Variants in CLTRN observed in about 807,000 individuals in gnomAD.
CLTRN encodes the protein collectrin.
Under a neutral mutation model 14.5 loss-of-function variants are expected in CLTRN, and 12 were observed. The observed-to-expected ratio is 0.83, with a 90% CI of 0.53 to 1.34. CLTRN has a LOEUF of 1.34. Among genes scored for constraint, CLTRN ranks in the 40% most tolerant of loss-of-function variants. CLTRN has a pLI of 0.00. For synonymous variants in CLTRN, 58 were observed against 56.5 expected, an observed-to-expected ratio of 1.03 and a Z score of -0.12; for missense variants, 154 against 165.1, an observed-to-expected ratio of 0.93 and a Z score of 0.37.
At chrX:15,669,077 T>A, upstream of CLTRN, among the ~76,000 whole-genome samples, 1 of 112,272 alleles carries the variant, frequency 8.9e-6, no homozygotes, top group Non-Finnish European at 1.9e-5. Flanking sequence ...GATTCATAAA[T>A]CTTATTTATA....
intron 3 of CLTRN, among the ~76,000 whole-genome samples, chrX:15,645,247 T>C (rs3810722): frequency 0.013 from 1,482 of 111,806 alleles, 29 homozygotes; most frequent in South Asian, 0.056. Flanking sequence ...TTATAGGGAA[T>C]AACAGGGAAT....
chrX:15,655,649 A>C (rs2147210031), intron 3 of CLTRN, among the ~76,000 whole-genome samples: 1 of 112,054 alleles, frequency 8.9e-6, no homozygotes, highest in East Asian at 2.8e-4. Context: ...TACTCAAGCC[A>C]GCCTTCCACC....
intron 1 of CLTRN, among the ~76,000 whole-genome samples, chrX:15,670,475 T>C (rs1326557259): frequency 9.0e-6 from 1 of 111,608 alleles, no homozygotes; most frequent in Non-Finnish European, 1.9e-5. Context: ...ATATACTATA[T>C]ATAATAAACA....
intron 5 of CLTRN, among the ~76,000 whole-genome samples, chrX:15,637,352 C>T (rs1223430130): frequency 8.9e-6 from 1 of 111,857 alleles, no homozygotes; most frequent in Non-Finnish European, 1.9e-5. Context: ...CCTCTCCTCA[C>T]ATTTGACGCA....
chrX:15,662,754 C>T (rs969263796), intron 2 of CLTRN, among the ~76,000 whole-genome samples: 1 of 111,588 alleles, frequency 9.0e-6, no homozygotes, highest in African/African-American at 3.3e-5. Context: ...CACCATTGAC[C>T]TCCATATTGT....
At chrX:15,645,870 A>G (rs962028158) in intron 3 of CLTRN, among the ~76,000 whole-genome samples, 4 of 113,017 alleles carry the variant, frequency 3.5e-5, no homozygotes, top group African/African-American at 1.3e-4. Context: ...CAAAATTGCA[A>G]AAAGCAACAT....
At chrX:15,655,517 G>A in intron 3 of CLTRN, among the ~76,000 whole-genome samples, 1 of 112,273 alleles carries the variant, frequency 8.9e-6, no homozygotes, top group East Asian at 2.8e-4. Flanking sequence ...GTCTCACTTA[G>A]GGACATGGGC....
chrX:15,670,083 C>A (rs1045932971), intron 1 of CLTRN, among the ~76,000 whole-genome samples: 2 of 110,103 alleles, frequency 1.8e-5, no homozygotes, highest in African/African-American at 6.6e-5. Flanking sequence ...CAAGACAGGC[C>A]TGGACAACAT....
intron 2 of CLTRN, among the ~76,000 whole-genome samples, chrX:15,663,896 A>C (rs1352874683): frequency 8.9e-6 from 1 of 112,483 alleles, no homozygotes; most frequent in Non-Finnish European, 1.9e-5. Flanking sequence ...AAGAAACTTC[A>C]GGTTCAAATT....
chrX:15,644,204 G>A (rs1020663444), intron 4 of CLTRN, among the ~76,000 whole-genome samples: 2 of 112,034 alleles, frequency 1.8e-5, no homozygotes, highest in African/African-American at 6.5e-5. Flanking sequence ...TTGTCCTGCT[G>A]AGAGCACCTT....
chrX:15,637,335 A>T (rs1928841586), intron 5 of CLTRN, among the ~76,000 whole-genome samples: 1 of 111,543 alleles, frequency 9.0e-6, no homozygotes, highest in Non-Finnish European at 1.9e-5. Flanking sequence ...CCCACTTCAA[A>T]CTGCACCCTC....
At chrX:15,642,038 C>G (rs1928956327) in intron 4 of CLTRN, among the ~76,000 whole-genome samples, 1 of 112,262 alleles carries the variant, frequency 8.9e-6, no homozygotes, top group African/African-American at 3.2e-5. Flanking sequence ...TTGTCATAAC[C>G]TAATATTGAA....
intron 3 of CLTRN, among the ~76,000 whole-genome samples, chrX:15,656,594 G>A (rs746000064): frequency 5.4e-5 from 6 of 110,666 alleles, no homozygotes; most frequent in African/African-American, 1.3e-4. Flanking sequence ...TCTGGAAGGC[G>A]GCTACTGGTA....
intron 5 of CLTRN, among the ~76,000 whole-genome samples, chrX:15,638,143 C>T: frequency 8.9e-6 from 1 of 111,975 alleles, no homozygotes; most frequent in East Asian, 2.8e-4. Flanking sequence ...TAATACAAAA[C>T]AAAAGTATTA....
upstream of CLTRN, among the ~76,000 whole-genome samples, chrX:15,667,211 G>A (rs187377274): frequency 5.1e-3 from 542 of 107,210 alleles, 3 homozygotes; most frequent in Non-Finnish European, 8.7e-3. Flanking sequence ...CACTCCAGCC[G>A]GGGCAACAGA....
chrX:15,633,020 T>C (rs1363241378), intron 5 of CLTRN, among the ~76,000 whole-genome samples: 1 of 110,999 alleles, frequency 9.0e-6, no homozygotes, highest in Non-Finnish European at 1.9e-5. Flanking sequence ...ATCCTCAGAA[T>C]TGCTCTGGAT....
intron 5 of CLTRN, among the ~76,000 whole-genome samples, chrX:15,638,321 C>G (rs1346842389): frequency 8.9e-6 from 1 of 112,006 alleles, no homozygotes; most frequent in Non-Finnish European, 1.9e-5. Flanking sequence ...AATTTGAGGA[C>G]TAGACATAAA....
rs936147279 is a variant in CLTRN, at chrX:15,642,516, T to C, written c.317+2400A>G. 6.2e-5 allele frequency among the ~76,000 whole-genome samples: 7 copies of C among 112,568 alleles called. No individual in the cohort carries two copies. In the East Asian group the frequency reaches 1.4e-3, roughly 22 times the overall value. On this transcript the variant is annotated intron_variant, in intron 4 of 5. Transcript: ENST00000380342. ...TCCCCACTTCCTAAATAGTTTATCCTGCTAGGACCTTTGAAATAGACATTT... is the reference window on the plus strand; with the variant it reads ...TCCCCACTTCCTAAATAGTTTATCCCGCTAGGACCTTTGAAATAGACATTT...
At chrX:15,653,812 A>T (rs1340226014) in intron 3 of CLTRN, among the ~76,000 whole-genome samples, 3 of 112,371 alleles carry the variant, frequency 2.7e-5, no homozygotes, top group Non-Finnish European at 5.6e-5. Flanking sequence ...TGGAAGCCAA[A>T]CCCAAAAACA....
Sources: allele counts gnomAD v4.1 joint callset (sites outside exome capture counted in the v4.1 genomes callset), GRCh38; gene constraint gnomAD v4.1.1; transcripts MANE v1.5; gene names NCBI Gene and HGNC (gene_info 2026-07-23, HGNC 2026-07-21).